Variants in RBFOX1 observed in about 807,000 individuals in gnomAD.
RBFOX1 encodes the protein RNA binding fox-1 homolog 1.
In RBFOX1, 8 loss-of-function variants were observed where a neutral mutation model predicts 57.7. The ratio of observed to expected loss-of-function variants is 0.14; its 90% CI spans 0.08 to 0.25. The LOEUF (loss-of-function observed/expected upper bound fraction) is 0.25, where lower values mean the gene tolerates loss of function less well. Ranked by LOEUF, RBFOX1 falls within the 10% of genes least tolerant of loss-of-function variation. RBFOX1 has a pLI of 1.00. For synonymous variants in RBFOX1, 326 were observed against 222.4 expected, an observed-to-expected ratio of 1.47 and a Z score of -4.15; for missense variants, 611 against 548.5, an observed-to-expected ratio of 1.11 and a Z score of -1.14.
At chr16:6,082,898 C>T (rs914893967) in intron 1 of RBFOX1, among the ~76,000 whole-genome samples, 1 of 152,142 alleles carries the variant, frequency 6.6e-6, no homozygotes, top group Non-Finnish European at 1.5e-5. Context: ...CGGAGCCTAG[C>T]CCATAGCACC....
At chr16:6,980,423 CAGAA>C (rs953811828) in intron 3 of RBFOX1, among the ~76,000 whole-genome samples, 5 of 152,090 alleles carry the variant, frequency 3.3e-5, no homozygotes, top group Admixed American at 2.6e-4. Context: ...TTTTCAAACA[CAGAA>C]AGATATGTTT....
rs1366422439 is a variant in RBFOX1, at chr16:6,866,689, C to G, written c.-15-185368C>G. On this transcript the variant is annotated intron_variant, in intron 3 of 15. Coordinates refer to ENST00000550418, the MANE Select transcript of RBFOX1 (RefSeq NM_018723.4). ...TCCGAGTAGCTGGGACTACAGGCGC[C>G]TGCCACCACGCCTGGCTGATTTTTT... Among the ~76,000 whole-genome samples the G allele has an allele frequency of 2.0e-5, 3 of 151,766 alleles. No individual in the cohort carries two copies. The East Asian group carries it at 5.8e-4, about 30-fold the overall frequency.
chr16:5,321,444 C>T (rs1005440535), intron 1 of RBFOX1, among the ~76,000 whole-genome samples: 14 of 152,244 alleles, frequency 9.2e-5, no homozygotes, highest in East Asian at 5.8e-4. Context: ...CTCAGCCTCC[C>T]GAGTAGCTGG....
chr16:7,078,067 G>T (rs867163424), intron 4 of RBFOX1, among the ~76,000 whole-genome samples: 1 of 152,174 alleles, frequency 6.6e-6, no homozygotes, highest in Non-Finnish European at 1.5e-5. Context: ...TCCTGCCTTT[G>T]CCTCTCTCTA....
chr16:7,105,992 T>C (rs1441872506), intron 4 of RBFOX1, among the ~76,000 whole-genome samples: 2 of 152,154 alleles, frequency 1.3e-5, no homozygotes, highest in Non-Finnish European at 2.9e-5. Flanking sequence ...ATGAAACTAC[T>C]CAGTCCAGGA....
chr16:5,557,591 C>G (rs1327286754), intron 2 of RBFOX1, among the ~76,000 whole-genome samples: 1 of 152,162 alleles, frequency 6.6e-6, no homozygotes, highest in Non-Finnish European at 1.5e-5. Flanking sequence ...GAGAAGGAAG[C>G]AGACATGCAA....
chr16:6,135,662 C>G lies in RBFOX1; in HGVS notation c.-127+115670C>G, dbSNP rs144352278. Among the ~76,000 whole-genome samples, 601 of 151,578 alleles carry G rather than the reference C, an allele frequency of 4.0e-3. 6 individuals carry two copies. Among genetic ancestry groups the G allele is most frequent in the African/African-American group, 0.011 (444 of 41,298 alleles). On this transcript the variant is annotated intron_variant, in intron 1 of 15. Transcript: ENST00000550418. ...AATGTCTGAAAAAAAACCATGAACA[C>G]TAATAGTTAATGGAACAATGACTAA... is the stretch of plus-strand genomic sequence containing the variant.
chr16:7,117,551 C>T (rs1002382095), intron 4 of RBFOX1, among the ~76,000 whole-genome samples: 2 of 152,176 alleles, frequency 1.3e-5, no homozygotes, highest in African/African-American at 4.8e-5. Flanking sequence ...AATCTATTAA[C>T]TTACCACAAT....
chr16:6,760,489 C>T (rs1295143302), intron 3 of RBFOX1, among the ~76,000 whole-genome samples: 1 of 152,150 alleles, frequency 6.6e-6, no homozygotes, highest in Non-Finnish European at 1.5e-5. Flanking sequence ...ACCAAGGATA[C>T]CAGCAATCAC....
chr16:6,088,921 C>A (rs939527043), intron 1 of RBFOX1, among the ~76,000 whole-genome samples: 1 of 151,864 alleles, frequency 6.6e-6, no homozygotes, highest in Non-Finnish European at 1.5e-5. Flanking sequence ...ACAGTGAAAT[C>A]CCATCTCTAC....
chr16:6,252,250 C>T (rs989666214), intron 1 of RBFOX1, among the ~76,000 whole-genome samples: 1 of 152,050 alleles, frequency 6.6e-6, no homozygotes, highest in African/African-American at 2.4e-5. Context: ...TACGCCCCCA[C>T]CCTAAACCTG....
chr16:6,500,681 G>A (rs191789550), intron 2 of RBFOX1, among the ~76,000 whole-genome samples: 1 of 152,186 alleles, frequency 6.6e-6, no homozygotes, highest in East Asian at 1.9e-4. Flanking sequence ...AAGAGGCATT[G>A]AACTCAGGGT....
At chr16:5,623,548 G>A (rs745515030) in intron 3 of RBFOX1, among the ~76,000 whole-genome samples, 1 of 152,110 alleles carries the variant, frequency 6.6e-6, no homozygotes, top group Non-Finnish European at 1.5e-5. Flanking sequence ...ACAGGTGCAG[G>A]TGGCCGGAGG....
At chr16:6,556,983 GTATATATACATACA>G (rs997354419) in intron 2 of RBFOX1, among the ~76,000 whole-genome samples, 1 of 136,916 alleles carries the variant, frequency 7.3e-6, no homozygotes, top group Admixed American at 7.8e-5. Context: ...ACACACATAC[GTATATATACATACA>G]TATATATACA....
chr16:5,694,579 C>A (rs981617012), intron 3 of RBFOX1, among the ~76,000 whole-genome samples: 3 of 152,240 alleles, frequency 2.0e-5, no homozygotes, highest in Admixed American at 6.5e-5. Context: ...TTTTCCTGTT[C>A]CACACTCTAA....
intron 10 of RBFOX1, 77 bp from the exon 11 acceptor site, chr16:7,630,526 C>T (rs955065320): frequency 3.0e-5 from 47 of 1,589,936 alleles, no homozygotes; most frequent in Non-Finnish European, 3.5e-5. Context: ...CTGCATTTCT[C>T]GGTTGCATTG....
At chr16:6,140,790 C>G (rs1567546348) in intron 1 of RBFOX1, among the ~76,000 whole-genome samples, 1 of 152,190 alleles carries the variant, frequency 6.6e-6, no homozygotes, top group African/African-American at 2.4e-5. Context: ...TCTTTCATTT[C>G]TTCAAGCTGT....
At chr16:7,332,413 G>C (rs901004930) in intron 4 of RBFOX1, among the ~76,000 whole-genome samples, 1 of 152,158 alleles carries the variant, frequency 6.6e-6, no homozygotes, top group African/African-American at 2.4e-5. Context: ...TTTGAAATCA[G>C]AGAGAGAGCG....
intron 2 of RBFOX1, among the ~76,000 whole-genome samples, chr16:6,545,188 A>G (rs1011481651): frequency 3.3e-5 from 5 of 152,202 alleles, no homozygotes; most frequent in African/African-American, 1.2e-4. Context: ...CTGGACTACA[A>G]GCCTCCTAAC....
Sources: allele counts gnomAD v4.1 joint callset (sites outside exome capture counted in the v4.1 genomes callset), GRCh38; gene constraint gnomAD v4.1.1; transcripts MANE v1.5; gene names NCBI Gene and HGNC (gene_info 2026-07-23, HGNC 2026-07-21).